TSPAN14: variants seen among roughly 807,000 people sequenced by gnomAD.
TSPAN14 encodes tetraspanin-14.
A neutral mutation model predicts 36.6 loss-of-function variants in TSPAN14; 16 were observed. The ratio of observed to expected loss-of-function variants is 0.44; its 90% CI spans 0.30 to 0.66. The LOEUF (loss-of-function observed/expected upper bound fraction) is 0.66. Among genes scored for constraint, TSPAN14 ranks in the 30% least tolerant of loss-of-function variants. The pLI is 0.12. For missense variants in TSPAN14, 231 were observed against 355.1 expected (o/e 0.65, Z 2.81); for synonymous variants, 139 against 143.8 (o/e 0.97, Z 0.24).
At chr10:80,510,420 C>T (rs1012556004) in intron 5 of TSPAN14, among the ~76,000 whole-genome samples, 2 of 152,196 alleles carry the variant, frequency 1.3e-5, no homozygotes. Flanking sequence ...CAAATCCCCG[C>T]CATGTTTTGA....
At chr10:80,473,995 C>A (rs557918046) in intron 1 of TSPAN14, among the ~76,000 whole-genome samples, 1 of 152,150 alleles carries the variant, frequency 6.6e-6, no homozygotes, top group Non-Finnish European at 1.5e-5. Flanking sequence ...CGCCTGCCCC[C>A]TCCTAGGCTT....
intron 4 of TSPAN14, among the ~76,000 whole-genome samples, chr10:80,508,350 C>T (rs971485172): frequency 1.4e-4 from 22 of 152,254 alleles, no homozygotes; most frequent in Middle Eastern, 6.8e-3. Flanking sequence ...CATCTCCTGA[C>T]CTTGTGATCC....
chr10:80,488,480 TAC>T (rs1847747792), intron 1 of TSPAN14, among the ~76,000 whole-genome samples: 1 of 151,878 alleles, frequency 6.6e-6, no homozygotes, highest in African/African-American at 2.4e-5. Flanking sequence ...CAAGCTTCAT[TAC>T]AGCCCTGGAG....
At chr10:80,507,867 A>T (rs1326422216) in intron 4 of TSPAN14, among the ~76,000 whole-genome samples, 1 of 152,186 alleles carries the variant, frequency 6.6e-6, no homozygotes, top group Non-Finnish European at 1.5e-5. Context: ...GTTTAGATTT[A>T]TTCAGTTAAA....
chr10:80,467,404 C>T (rs956699769), intron 1 of TSPAN14, among the ~76,000 whole-genome samples: 8 of 152,158 alleles, frequency 5.3e-5, no homozygotes, highest in African/African-American at 1.9e-4. Flanking sequence ...CTGGGAAAAA[C>T]ACAATGGATG....
chr10:80,468,398 A>G (rs1846357130), intron 1 of TSPAN14: 1 of 152,242 alleles, frequency 6.6e-6, no homozygotes, highest in African/African-American at 2.4e-5. Context: ...GTGAGGATCC[A>G]TTGGGATGCA....
At chr10:80,512,067 C>G in intron 5 of TSPAN14, 77 bp from the exon 6 acceptor site, 2 of 1,592,800 alleles carry the variant, frequency 1.3e-6, no homozygotes, top group Non-Finnish European at 1.7e-6. Flanking sequence ...CCTGGCATCA[C>G]TATGAATGAT....
intron 2 of TSPAN14, among the ~76,000 whole-genome samples, chr10:80,496,454 A>C (rs1471941138): frequency 6.6e-6 from 1 of 152,166 alleles, no homozygotes; most frequent in Non-Finnish European, 1.5e-5. Context: ...TAGCAATTTT[A>C]TACATGCTGG....
intron 2 of TSPAN14, among the ~76,000 whole-genome samples, chr10:80,491,467 G>A (rs1847916773): frequency 6.6e-6 from 1 of 152,132 alleles, no homozygotes; most frequent in Admixed American, 6.5e-5. Flanking sequence ...CCTCTCTGTG[G>A]GTGTGCTGCT....
At position 80,456,743 on chromosome 10, in the gene TSPAN14, T is replaced by C. The variant is rs1845750253; in HGVS notation, c.-18+2372T>C. On this transcript the variant is annotated intron_variant, in intron 1 of 8. Transcript: ENST00000429989. ...GAGACTTACACCCTAGAAGTTTGACTTGTAATAACTCATTTAATCCTTGAA... is the reference window on the plus strand; with the variant it reads ...GAGACTTACACCCTAGAAGTTTGACCTGTAATAACTCATTTAATCCTTGAA... Among the ~76,000 whole-genome samples the C allele has an allele frequency of 3.9e-5, 6 of 152,238 alleles. No homozygotes were observed. The South Asian group carries it at 1.2e-3, about 31-fold the overall frequency.
At chr10:80,457,286 A>G (rs1434765466) in intron 1 of TSPAN14, among the ~76,000 whole-genome samples, 1 of 151,610 alleles carries the variant, frequency 6.6e-6, no homozygotes, top group Non-Finnish European at 1.5e-5. Flanking sequence ...CCTGGGTTCA[A>G]GTGATTCTTC....
At chr10:80,475,300 C>T (rs1008965368) in intron 1 of TSPAN14, among the ~76,000 whole-genome samples, 6 of 152,202 alleles carry the variant, frequency 3.9e-5, no homozygotes, top group Admixed American at 1.3e-4. Flanking sequence ...AGCATGATGG[C>T]TTATGCCTAT....
exon 9 of TSPAN14, chr10:80,518,723 C>G (rs905344318): frequency 6.5e-6 from 1 of 152,788 alleles, no homozygotes; most frequent in African/African-American, 2.4e-5. Context: ...TGGTTCTTCA[C>G]TGAGAGCCGG....
intron 3 of TSPAN14, among the ~76,000 whole-genome samples, chr10:80,505,648 C>G (rs191579964): frequency 1.4e-4 from 22 of 152,322 alleles, no homozygotes; most frequent in Admixed American, 1.2e-3. Flanking sequence ...TGGGCACCTT[C>G]CAAGTGGCCT....
chr10:80,492,954 G>A (rs1292238871), intron 2 of TSPAN14, among the ~76,000 whole-genome samples: 1 of 152,170 alleles, frequency 6.6e-6, no homozygotes, highest in Admixed American at 6.5e-5. Flanking sequence ...CTTGGGATAA[G>A]AAATGTGGAT....
chr10:80,461,255 C>T (rs1358163504), intron 1 of TSPAN14, among the ~76,000 whole-genome samples: 1 of 152,196 alleles, frequency 6.6e-6, no homozygotes, highest in Non-Finnish European at 1.5e-5. Context: ...TCTCAACAGT[C>T]AGCTTTTCAG....
chr10:80,516,428 GCTTGC>G lies in TSPAN14; in HGVS notation c.741+106_741+110del. The stretch of plus-strand genomic sequence containing the variant: ...CCAGTTTGGGTATGGTATTAAGGAA[GCTTGC>G]AGAAGAAAAAAAGGGATTCAACTGG... On this transcript the variant is annotated intron_variant, in intron 8 of 8. Transcript: ENST00000429989. 2.1e-5 allele frequency: 32 copies of G among 1,518,076 alleles called. No individual in the cohort carries two copies. The Admixed American group carries it at 3.2e-4, about 15-fold the overall frequency. 94.0% of individuals were successfully genotyped at this position (1,518,076 alleles called of 1,614,324 possible). A position where few individuals can be genotyped will look rare whatever the true frequency, so the allele number is the denominator to read the frequency against.
chr10:80,516,238 A>C (rs890561422), exon 8 of TSPAN14: 2 of 1,614,204 alleles, frequency 1.2e-6, no homozygotes, highest in Admixed American at 1.7e-5. Context: ...ATCTTCACGA[A>C]AGGCTGCATC....
chr10:80,507,327 G>A (rs765467845), exon 4 of TSPAN14: 4 of 1,614,216 alleles, frequency 2.5e-6, no homozygotes, highest in Admixed American at 3.3e-5. Flanking sequence ...CCTGGGGTTC[G>A]CCGGCTGCGT....
Sources: gnomAD v4.1 joint callset for allele counts (sites outside exome capture counted in the v4.1 genomes callset) on GRCh38, gnomAD v4.1.1 for gene constraint, MANE v1.5 for transcripts, NCBI Gene and HGNC (gene_info 2026-07-23, HGNC 2026-07-21) for gene names.